Variants in MECOM observed in about 807,000 individuals in gnomAD.
MECOM encodes MDS1 and EVI1 complex locus.
Under a neutral mutation model 116.3 loss-of-function variants are expected in MECOM, and 13 were observed. The ratio of observed to expected loss-of-function variants is 0.11; its 90% CI spans 0.07 to 0.18. The LOEUF (loss-of-function observed/expected upper bound fraction) is 0.18. MECOM is among the 10% of genes least tolerant of loss of function. The probability of loss-of-function intolerance (pLI) is 1.00; values close to 1 mark genes in which losing one functional copy is unlikely to be tolerated. For synonymous variants in MECOM, 528 were observed against 535.2 expected (o/e 0.99, Z 0.19); for missense variants, 1,299 against 1,509.0 (o/e 0.86, Z 2.31).
chr3:169,534,679 T>A (rs1759112148), intron 1 of MECOM, among the ~76,000 whole-genome samples: 1 of 152,218 alleles, frequency 6.6e-6, no homozygotes, highest in African/African-American at 2.4e-5. Context: ...GTGCTTACTA[T>A]TTGCCAACCA....
intron 1 of MECOM, among the ~76,000 whole-genome samples, chr3:169,650,847 C>A (rs1774811130): frequency 6.6e-6 from 1 of 152,046 alleles, no homozygotes; most frequent in South Asian, 2.1e-4. Flanking sequence ...CTGGACACTA[C>A]CCAAATGTCA....
intron 1 of MECOM, among the ~76,000 whole-genome samples, chr3:169,444,994 G>A (rs1744375054): frequency 6.6e-6 from 1 of 152,142 alleles, no homozygotes; most frequent in Admixed American, 6.5e-5. Flanking sequence ...TAGGGTATCT[G>A]GCAGAAGAAA....
At chr3:169,603,239 TAGTTTTTAAAAGAA>T (rs979656226) in intron 1 of MECOM, among the ~76,000 whole-genome samples, 1 of 152,164 alleles carries the variant, frequency 6.6e-6, no homozygotes, top group African/African-American at 2.4e-5. Flanking sequence ...GTGTGTGTCC[TAGTTTTTAAAAGAA>T]AGTTTTTAAA....
At chr3:169,311,891 C>T (rs1212240023) in intron 2 of MECOM, among the ~76,000 whole-genome samples, 1 of 152,104 alleles carries the variant, frequency 6.6e-6, no homozygotes, top group Non-Finnish European at 1.5e-5. Flanking sequence ...GTTTAAGATG[C>T]AATGTTCACA....
At chr3:169,379,171 A>C (rs985545176) in intron 2 of MECOM, among the ~76,000 whole-genome samples, 1 of 151,836 alleles carries the variant, frequency 6.6e-6, no homozygotes, top group Non-Finnish European at 1.5e-5. Flanking sequence ...AAAAAAAAAA[A>C]ACCCTAAGAA....
At chr3:169,235,853 A>G (rs900088426) in intron 2 of MECOM, among the ~76,000 whole-genome samples, 1 of 151,412 alleles carries the variant, frequency 6.6e-6, no homozygotes, top group African/African-American at 2.4e-5. Flanking sequence ...AGGTCCTGGA[A>G]TCAAACCATT....
intron 1 of MECOM, among the ~76,000 whole-genome samples, chr3:169,475,583 T>G (rs968391357): frequency 7.1e-6 from 1 of 140,866 alleles, no homozygotes; most frequent in Non-Finnish European, 1.5e-5. Flanking sequence ...AAGTCGAAGT[T>G]TTTTTTTTTT....
intron 2 of MECOM, among the ~76,000 whole-genome samples, chr3:169,203,100 T>A (rs1243436569): frequency 6.6e-6 from 1 of 152,180 alleles, no homozygotes; most frequent in Non-Finnish European, 1.5e-5. Flanking sequence ...AGGATAAGCA[T>A]GGTCAAGGTG....
At chr3:169,645,681 G>A (rs1165949743) in intron 1 of MECOM, among the ~76,000 whole-genome samples, 93 of 152,252 alleles carry the variant, frequency 6.1e-4, no homozygotes, top group Non-Finnish European at 1.2e-4. Flanking sequence ...TAGGCAGAAA[G>A]CAAGATCATT....
chr3:169,182,331 T>C (rs1746079057), intron 2 of MECOM, among the ~76,000 whole-genome samples: 1 of 152,232 alleles, frequency 6.6e-6, no homozygotes, highest in Non-Finnish European at 1.5e-5. Flanking sequence ...AAGCAGACTC[T>C]CAGGTTTTAC....
intron 1 of MECOM, among the ~76,000 whole-genome samples, chr3:169,501,573 A>G (rs1754534976): frequency 6.6e-6 from 1 of 152,116 alleles, no homozygotes. Flanking sequence ...TGCCATTTCT[A>G]CAAATTCTTA....
At chr3:169,440,836 G>C (rs1743520729) in intron 1 of MECOM, among the ~76,000 whole-genome samples, 1 of 152,042 alleles carries the variant, frequency 6.6e-6, no homozygotes, top group Non-Finnish European at 1.5e-5. Context: ...GCTCACCCCA[G>C]ACCCAAGAGT....
chr3:169,627,913 G>A lies in MECOM; in HGVS notation c.37+35423C>T, dbSNP rs564194603. Among the ~76,000 whole-genome samples, 7 of 152,326 alleles carry A rather than the reference G, an allele frequency of 4.6e-5. No homozygotes were observed. In the East Asian group the frequency reaches 7.7e-4, roughly 17 times the overall value. On this transcript the variant is annotated intron_variant, in intron 1 of 16. Coordinates refer to ENST00000651503, the MANE Select transcript of MECOM (RefSeq NM_004991.4). Reference sequence around the variant, plus strand: ...AAGCTGCGATTTACACCGCAGATTTGAGCAGTGCTGTGGTCAGATCACAGG... The same window carrying A: ...AAGCTGCGATTTACACCGCAGATTTAAGCAGTGCTGTGGTCAGATCACAGG...
chr3:169,531,258 T>C (rs771364233), intron 1 of MECOM, among the ~76,000 whole-genome samples: 2 of 152,182 alleles, frequency 1.3e-5, no homozygotes. Flanking sequence ...TTAATTTATC[T>C]GCCAAAGACA....
intron 2 of MECOM, among the ~76,000 whole-genome samples, chr3:169,305,778 G>T (rs1039464995): frequency 6.6e-6 from 1 of 151,864 alleles, no homozygotes; most frequent in East Asian, 1.9e-4. Context: ...CTTATCTTTT[G>T]TATGTCACAC....
At chr3:169,575,707 C>T (rs1764409563) in intron 1 of MECOM, among the ~76,000 whole-genome samples, 3 of 152,116 alleles carry the variant, frequency 2.0e-5, no homozygotes, top group African/African-American at 7.2e-5. Context: ...GTGTGTCGTT[C>T]AACTGGTGGA....
In MECOM at chr3:169,187,652, G is replaced by A. The variant is rs188022649; in HGVS notation, c.376-43820C>T. 6.6e-4 allele frequency among the ~76,000 whole-genome samples: 101 copies of A among 152,138 alleles called. No homozygotes were observed. In the South Asian group the frequency reaches 7.3e-3, roughly 11 times the overall value. On this transcript the variant is annotated intron_variant, in intron 2 of 16. Coordinates refer to ENST00000651503, the MANE Select transcript of MECOM (RefSeq NM_004991.4). ...GGAGAGGGGGAGAGCAAGTTCTGTC[G>A]TAAACAGTAAGCAGAATTTCCATTC...
intron 1 of MECOM, among the ~76,000 whole-genome samples, chr3:169,578,062 T>C (rs1764717440): frequency 2.0e-5 from 3 of 152,180 alleles, no homozygotes; most frequent in South Asian, 4.1e-4. Flanking sequence ...TTTTCTAATA[T>C]GGTACTTATT....
chr3:169,174,887 T>G (rs1056343929), intron 2 of MECOM, among the ~76,000 whole-genome samples: 3 of 152,148 alleles, frequency 2.0e-5, no homozygotes, highest in African/African-American at 4.8e-5. Flanking sequence ...AAGCACAACT[T>G]TATTCATGAA....
Sources: gnomAD v4.1 joint callset for allele counts (sites outside exome capture counted in the v4.1 genomes callset) on GRCh38, gnomAD v4.1.1 for gene constraint, MANE v1.5 for transcripts, NCBI Gene and HGNC (gene_info 2026-07-23, HGNC 2026-07-21) for gene names.